Variants in CDKL5 observed in about 807,000 individuals in gnomAD.
CDKL5 encodes the protein cyclin dependent kinase like 5.
Under a neutral mutation model 61.7 loss-of-function variants are expected in CDKL5, and 8 were observed. The observed-to-expected ratio is 0.13, with a 90% CI of 0.08 to 0.23. The LOEUF (loss-of-function observed/expected upper bound fraction) is 0.23. Among genes scored for constraint, CDKL5 ranks in the 10% least tolerant of loss-of-function variants. CDKL5 has a pLI of 1.00. For synonymous variants in CDKL5, 275 were observed against 272.3 expected, an observed-to-expected ratio of 1.01 and a Z score of -0.10; for missense variants, 440 against 734.5, an observed-to-expected ratio of 0.60 and a Z score of 4.63.
chrX:18,561,098 A>G (rs868287107), intron 3 of CDKL5, among the ~76,000 whole-genome samples: 9 of 111,655 alleles, frequency 8.1e-5, no homozygotes, highest in African/African-American at 2.9e-4. Flanking sequence ...ACAAGAAGAC[A>G]CTTTATTCCT....
intron 15 of CDKL5, among the ~76,000 whole-genome samples, chrX:18,618,562 C>T (rs1022871821): frequency 2.7e-5 from 3 of 112,316 alleles, no homozygotes; most frequent in Non-Finnish European, 5.6e-5. Flanking sequence ...AGGGTTTCAT[C>T]TCCTTAATTG....
intron 6 of CDKL5, among the ~76,000 whole-genome samples, chrX:18,580,893 C>G (rs1925458473): frequency 9.0e-6 from 1 of 111,389 alleles, no homozygotes; most frequent in South Asian, 3.8e-4. Flanking sequence ...TTCCTAGAAA[C>G]AGTTTATATT....
At chrX:18,531,035 A>G (rs765128934) in intron 3 of CDKL5, among the ~76,000 whole-genome samples, 4 of 111,916 alleles carry the variant, frequency 3.6e-5, no homozygotes, top group Admixed American at 9.5e-5. Context: ...CGAAGGGAAG[A>G]AAGTGTTCTA....
intron 1 of CDKL5, among the ~76,000 whole-genome samples, chrX:18,457,909 C>T (rs750849161): frequency 1.1e-5 from 1 of 94,176 alleles, no homozygotes; most frequent in Non-Finnish European, 2.1e-5. Flanking sequence ...CCACCATGCC[C>T]GGCTTTTTTT....
Position 18,650,584 on chromosome X carries a change from A to G in CDKL5, c.2972A>G (p.Gln991Arg), listed in dbSNP as rs1390257687. The change falls in exon 21 of 22, where the codon CAG becomes CGG. Residue 991 changes from glutamine to arginine, a missense_variant. Physicochemically the swap from Gln to Arg is conservative, Grantham distance 43 (BLOSUM62 1). Coordinates refer to the CDKL5 transcript ENST00000379989. ...ACTGATGCTTTCAGCTGCCCAACCC[A>G]GCAATCCGGTAAGCAGAGACTCTAG... The G allele has an allele frequency of 8.3e-7, 1 of 1,210,644 alleles. No individual in the cohort carries two copies. The highest frequency in any genetic ancestry group is 1.7e-5 in the African/African-American group (1 of 57,433).
intron 12 of CDKL5, among the ~76,000 whole-genome samples, chrX:18,605,666 A>G (rs1467763836): frequency 2.7e-5 from 3 of 112,790 alleles, no homozygotes; most frequent in Non-Finnish European, 3.7e-5. Context: ...AAATAATGTT[A>G]TCATGATTTC....
At chrX:18,601,530 A>C (rs1275389496) in intron 11 of CDKL5, among the ~76,000 whole-genome samples, 6 of 112,139 alleles carry the variant, frequency 5.4e-5, no homozygotes, top group African/African-American at 1.9e-4. Context: ...TTATTGTTGC[A>C]CTTTGGCAGA....
At chrX:18,626,588 A>AT (rs1378569112) in intron 17 of CDKL5, among the ~76,000 whole-genome samples, 2 of 107,409 alleles carry the variant, frequency 1.9e-5, no homozygotes, top group Non-Finnish European at 3.8e-5. Flanking sequence ...TCTATTCCCA[A>AT]TTTCAAAACA....
chrX:18,507,208 A>C (rs773735120), intron 2 of CDKL5, 48 bp downstream of exon 2: 23 of 851,295 alleles, frequency 2.7e-5, no homozygotes. Flanking sequence ...ATGAACAGTT[A>C]GTTATTCCTA....
At chrX:18,445,798 G>T (rs959089096) in intron 1 of CDKL5, among the ~76,000 whole-genome samples, 3 of 111,132 alleles carry the variant, frequency 2.7e-5, no homozygotes, top group East Asian at 5.7e-4. Flanking sequence ...GGAACTGGGG[G>T]TCAATTCAAC....
At chrX:18,507,310 C>A in intron 2 of CDKL5, 150 bp downstream of exon 2, 1 of 421,950 alleles carries the variant, frequency 2.4e-6, no homozygotes, top group South Asian at 4.7e-5. Flanking sequence ...TAAAATTACT[C>A]TTAAACAATT....
intron 3 of CDKL5, among the ~76,000 whole-genome samples, chrX:18,529,184 C>CTT (rs771617035): frequency 1.1e-5 from 1 of 90,154 alleles, no homozygotes; most frequent in African/African-American, 4.1e-5. Flanking sequence ...CTTGTTTTTA[C>CTT]TTTTTTTTTT....
intron 3 of CDKL5, among the ~76,000 whole-genome samples, chrX:18,539,696 G>A (rs1183528872): frequency 9.0e-6 from 1 of 111,316 alleles, no homozygotes; most frequent in Admixed American, 9.5e-5. Flanking sequence ...GTTGGGTATA[G>A]TATTTTATAT....
chrX:18,592,287 T>C (rs1925853943), intron 9 of CDKL5, among the ~76,000 whole-genome samples: 1 of 112,767 alleles, frequency 8.9e-6, no homozygotes, highest in African/African-American at 3.2e-5. Context: ...GTTTACCTCA[T>C]TGTACGGTTT....
At chrX:18,649,980 G>A (rs183794316) in intron 20 of CDKL5, 2 of 173,004 alleles carry the variant, frequency 1.2e-5, no homozygotes, top group South Asian at 1.1e-4. Flanking sequence ...ACCCCCACCC[G>A]CCGCCGCCGC....
intron 3 of CDKL5, among the ~76,000 whole-genome samples, chrX:18,562,456 A>T (rs1460625720): frequency 8.9e-6 from 1 of 112,355 alleles, no homozygotes; most frequent in Admixed American, 9.4e-5. Context: ...AACAACATAC[A>T]ATAAGATGTC....
At chrX:18,445,401 A>G (rs1201193789) in intron 1 of CDKL5, among the ~76,000 whole-genome samples, 1 of 112,049 alleles carries the variant, frequency 8.9e-6, no homozygotes, top group Non-Finnish European at 1.9e-5. Context: ...TTCTCTGCAC[A>G]GCGCTGGGCT....
chrX:18,433,270 G>T (rs943456917), intron 1 of CDKL5, among the ~76,000 whole-genome samples: 1 of 107,911 alleles, frequency 9.3e-6, no homozygotes, highest in African/African-American at 3.4e-5. Context: ...TACACTTCTC[G>T]GCCGGGCCTG....
intron 4 of CDKL5, among the ~76,000 whole-genome samples, chrX:18,565,250 T>A (rs891546015): frequency 8.9e-6 from 1 of 112,125 alleles, no homozygotes; most frequent in Non-Finnish European, 1.9e-5. Context: ...ACAACATTTT[T>A]TTCAGACTTT....
Sources: allele counts gnomAD v4.1 joint callset (sites outside exome capture counted in the v4.1 genomes callset), GRCh38; gene constraint gnomAD v4.1.1; transcripts MANE v1.5; gene names NCBI Gene and HGNC (gene_info 2026-07-23, HGNC 2026-07-21).